Variants in DCDC2 observed in about 807,000 individuals in gnomAD.
The protein encoded by DCDC2 is doublecortin domain containing 2, also known as doublecortin domain-containing protein 2.
DCDC2 carries 40 observed loss-of-function variants against 50.2 expected under a neutral mutation model. That is an observed-to-expected ratio of 0.80 (90% CI 0.62 to 1.04). The LOEUF (loss-of-function observed/expected upper bound fraction) is 1.04, where lower values mean the gene tolerates loss of function less well. DCDC2 is among the 50% of genes least tolerant of loss of function. The pLI is 0.00. For missense variants in DCDC2, 570 were observed against 581.9 expected (o/e 0.98, Z 0.21); for synonymous variants, 234 against 210.6 (o/e 1.11, Z -0.96).
At chr6:24,234,759 A>G (rs1762408832) in intron 7 of DCDC2, among the ~76,000 whole-genome samples, 1 of 152,164 alleles carries the variant, frequency 6.6e-6, no homozygotes. Flanking sequence ...AGTTTTAGGG[A>G]TGTTGGGTAC....
chr6:24,346,739 G>C (rs1177744029), intron 2 of DCDC2, among the ~76,000 whole-genome samples: 4 of 148,776 alleles, frequency 2.7e-5, no homozygotes, highest in Admixed American at 2.0e-4. Context: ...GGGTGACAGA[G>C]CGAGACTCCA....
intron 8 of DCDC2, among the ~76,000 whole-genome samples, chr6:24,193,778 TA>T (rs1342184629): frequency 2.0e-5 from 3 of 152,012 alleles, no homozygotes; most frequent in African/African-American, 7.2e-5. Context: ...CTATTTTTGA[TA>T]GGGGGAACGA....
chr6:24,275,437 T>C (rs980071260), intron 7 of DCDC2, among the ~76,000 whole-genome samples: 1 of 152,120 alleles, frequency 6.6e-6, no homozygotes, highest in Admixed American at 6.5e-5. Context: ...TGGAAAAAAA[T>C]TGTCTTTGGA....
intron 4 of DCDC2, 130 bp downstream of exon 4, chr6:24,301,585 A>C (rs1759375749): frequency 9.8e-7 from 1 of 1,015,664 alleles, no homozygotes; most frequent in Non-Finnish European, 1.5e-6. Context: ...CTACAGATAA[A>C]GAAACTGAGG....
chr6:24,301,982 C>T lies in DCDC2; in HGVS notation c.411G>A (p.Glu137=), dbSNP rs937727981. ...TTTCAACTTACAAGATAGTGCACGG[C>T]TCCTGAAGCGGTTTTCTAAAGCGAG... ...VSARFRKPLQ[E]PCTIFLIANG... is the part of the protein sequence containing the mutation. Residue 137 remains glutamate (E), a synonymous_variant, in exon 3 of 10, where the codon GAG becomes GAA. Coordinates refer to ENST00000378454, the MANE Select transcript of DCDC2 (RefSeq NM_016356.5). 1.2e-5 allele frequency: 19 copies of T among 1,613,946 alleles called. No individual in the cohort carries two copies. The highest frequency in any genetic ancestry group is 1.6e-5 in the Non-Finnish European group (19 of 1,179,996).
At chr6:24,341,598 T>C (rs1021390311) in intron 2 of DCDC2, among the ~76,000 whole-genome samples, 2 of 152,230 alleles carry the variant, frequency 1.3e-5, no homozygotes, top group Admixed American at 1.3e-4. Context: ...ATAGGACTAT[T>C]AGCCTCCTAC....
the DCDC2 span, among the ~76,000 whole-genome samples, chr6:24,381,803 A>AAAGGAAGGAAGGAAGGAAGGAAGGAAGG: frequency 6.1e-4 from 41 of 67,274 alleles, 1 homozygote; most frequent in Admixed American, 1.2e-3. Context: ...GGAAGGAAAG[A>AAAGGAAGGAAGGAAGGAAGGAAGGAAGG]AAGGAAGGAA....
At chr6:24,216,891 G>C (rs973395811) in intron 7 of DCDC2, among the ~76,000 whole-genome samples, 2 of 152,138 alleles carry the variant, frequency 1.3e-5, no homozygotes, top group Non-Finnish European at 2.9e-5. Flanking sequence ...ATTAGAGTTT[G>C]AACCTTAGCT....
At chr6:24,266,979 AAAG>A (rs1763135961) in intron 7 of DCDC2, among the ~76,000 whole-genome samples, 1 of 152,350 alleles carries the variant, frequency 6.6e-6, no homozygotes, top group Non-Finnish European at 1.5e-5. Flanking sequence ...ACCCATAAAA[AAAG>A]AATGAGATAC....
chr6:24,303,623 G>T (rs542492809), intron 2 of DCDC2, among the ~76,000 whole-genome samples: 1 of 152,282 alleles, frequency 6.6e-6, no homozygotes, highest in East Asian at 1.9e-4. Context: ...TTTACCCCAT[G>T]ATTTGAAAGG....
At chr6:24,309,820 AC>A (rs1393271113) in intron 2 of DCDC2, among the ~76,000 whole-genome samples, 1 of 152,170 alleles carries the variant, frequency 6.6e-6, no homozygotes, top group Non-Finnish European at 1.5e-5. Context: ...TTTATAAGAG[AC>A]ACACTTTAAA....
intron 7 of DCDC2, among the ~76,000 whole-genome samples, chr6:24,268,610 C>T (rs532147843): frequency 1.3e-5 from 2 of 152,272 alleles, no homozygotes; most frequent in Admixed American, 6.5e-5. Context: ...AAGCTCTTGT[C>T]GCCCAGGTTG....
chr6:24,357,979 G>C lies in DCDC2; in HGVS notation c.-229C>G. 4.1e-6 allele frequency: 6 copies of C among 1,453,336 alleles called. No individual in the cohort carries two copies. Among genetic ancestry groups the C allele is most frequent in the Non-Finnish European group, 5.5e-6 (6 of 1,095,070 alleles). 90.0% of individuals were successfully genotyped at this position (1,453,336 alleles called of 1,614,324 possible). On this transcript the variant is annotated 5_prime_UTR_variant, in exon 1 of 10. Transcript: ENST00000378454. Reference sequence around the variant, plus strand: ...AGACGCTCAAGTTTTTCACCGTGGCGTGCACAGCCAATCAGGACCCGCAGT... The same window carrying C: ...AGACGCTCAAGTTTTTCACCGTGGCCTGCACAGCCAATCAGGACCCGCAGT...
intron 7 of DCDC2, among the ~76,000 whole-genome samples, chr6:24,269,091 C>A (rs187216036): frequency 4.6e-5 from 7 of 152,006 alleles, no homozygotes; most frequent in Non-Finnish European, 1.5e-5. Context: ...ATAACTAGGG[C>A]AATAGAGAAG....
At chr6:24,362,074 C>T (rs1361340867), upstream of DCDC2, among the ~76,000 whole-genome samples, 1 of 152,088 alleles carries the variant, frequency 6.6e-6, no homozygotes, top group Non-Finnish European at 1.5e-5. Flanking sequence ...GGTATTTCCA[C>T]CATGCAGGCA....
At chr6:24,329,331 G>C (rs1003481868) in intron 2 of DCDC2, among the ~76,000 whole-genome samples, 2 of 152,122 alleles carry the variant, frequency 1.3e-5, no homozygotes, top group African/African-American at 4.8e-5. Flanking sequence ...TTTATCATTT[G>C]TTTGTTTTCC....
intron 4 of DCDC2, among the ~76,000 whole-genome samples, chr6:24,299,922 A>G (rs1263579367): frequency 6.6e-6 from 1 of 152,046 alleles, no homozygotes; most frequent in Non-Finnish European, 1.5e-5. Context: ...TCCATCTCAA[A>G]AAAAAATAAA....
At chr6:24,229,247 T>C (rs750378612) in intron 7 of DCDC2, among the ~76,000 whole-genome samples, 5 of 152,194 alleles carry the variant, frequency 3.3e-5, no homozygotes, top group Non-Finnish European at 7.3e-5. Flanking sequence ...TCTGTGACCT[T>C]GTCTTTTCCT....
At chr6:24,211,786 C>A (rs114565856) in intron 7 of DCDC2, among the ~76,000 whole-genome samples, 4 of 152,134 alleles carry the variant, frequency 2.6e-5, no homozygotes, top group Non-Finnish European at 5.9e-5. Flanking sequence ...TTGGTTGTAA[C>A]CCAGTAAGGC....
Sources: allele counts gnomAD v4.1 joint callset (sites outside exome capture counted in the v4.1 genomes callset), GRCh38; gene constraint gnomAD v4.1.1; transcripts MANE v1.5; gene names NCBI Gene and HGNC (gene_info 2026-07-23, HGNC 2026-07-21).